DLG2: variants seen among roughly 807,000 people sequenced by gnomAD.
DLG2 encodes the protein disks large homolog 2.
In DLG2, 45 loss-of-function variants were observed where a neutral mutation model predicts 132.5. That is an observed-to-expected ratio of 0.34 (90% CI 0.27 to 0.44). The LOEUF (loss-of-function observed/expected upper bound fraction) is 0.44, where lower values mean the gene tolerates loss of function less well. Ranked by LOEUF, DLG2 falls within the 20% of genes least tolerant of loss-of-function variation. The probability of loss-of-function intolerance (pLI) is 1.00; values close to 1 mark genes in which losing one functional copy is unlikely to be tolerated. For synonymous variants in DLG2, 424 were observed against 419.6 expected, an observed-to-expected ratio of 1.01 and a Z score of -0.13; for missense variants, 1,045 against 1,196.9, an observed-to-expected ratio of 0.87 and a Z score of 1.87.
At chr11:84,460,237 A>G (rs2099076758) in intron 7 of DLG2, among the ~76,000 whole-genome samples, 1 of 150,668 alleles carries the variant, frequency 6.6e-6, no homozygotes, top group Non-Finnish European at 1.5e-5. Context: ...TCATCAATTG[A>G]CTATTGCGTT....
chr11:84,624,811 T>C (rs942616076), intron 6 of DLG2, among the ~76,000 whole-genome samples: 4 of 147,498 alleles, frequency 2.7e-5, no homozygotes, highest in Non-Finnish European at 4.5e-5. Context: ...TATCAAATAA[T>C]ACAGTTGACT....
chr11:84,730,295 C>G (rs1416318893), intron 6 of DLG2, among the ~76,000 whole-genome samples: 2 of 151,882 alleles, frequency 1.3e-5, no homozygotes, highest in African/African-American at 2.4e-5. Flanking sequence ...GTAATAATAC[C>G]TCTGTCACAG....
chr11:85,467,738 C>T (rs187910269), intron 3 of DLG2, among the ~76,000 whole-genome samples: 1 of 152,196 alleles, frequency 6.6e-6, no homozygotes, highest in East Asian at 1.9e-4. Flanking sequence ...ATTTTTGCAT[C>T]GATGTTCATC....
chr11:84,788,738 G>A (rs563867026), intron 6 of DLG2, among the ~76,000 whole-genome samples: 43 of 152,140 alleles, frequency 2.8e-4, no homozygotes, highest in Admixed American at 9.2e-4. Flanking sequence ...TCATTATTTC[G>A]TCCAAACATT....
intron 6 of DLG2, among the ~76,000 whole-genome samples, chr11:84,631,397 G>GA (rs991390699): frequency 3.9e-5 from 6 of 152,038 alleles, no homozygotes; most frequent in Non-Finnish European, 8.8e-5. Context: ...ATTATTTTGG[G>GA]AAAAATGAAC....
chr11:84,923,554 A>G (rs949128786), intron 6 of DLG2: 12 of 1,005,992 alleles, frequency 1.2e-5, no homozygotes, highest in Non-Finnish European at 1.2e-5. Flanking sequence ...ATCCTATTAA[A>G]TACTTTACAA....
intron 2 of DLG2, among the ~76,000 whole-genome samples, chr11:85,601,071 T>C (rs1407509495): frequency 6.6e-6 from 1 of 152,164 alleles, no homozygotes; most frequent in Non-Finnish European, 1.5e-5. Flanking sequence ...ATACAATCAA[T>C]GTAAATAACT....
chr11:85,203,967 A>G (rs1175569357), intron 4 of DLG2, among the ~76,000 whole-genome samples: 4 of 152,144 alleles, frequency 2.6e-5, no homozygotes, highest in Non-Finnish European at 4.4e-5. Flanking sequence ...CTGGAAAAAC[A>G]TTTGGTAAAA....
chr11:85,370,068 A>G (rs542745639), intron 3 of DLG2, among the ~76,000 whole-genome samples: 6 of 152,190 alleles, frequency 3.9e-5, no homozygotes, highest in Non-Finnish European at 7.4e-5. Context: ...TTGGGTTTTG[A>G]AAAGTATTTG....
At chr11:83,737,617 G>T (rs1396079516) in intron 18 of DLG2, among the ~76,000 whole-genome samples, 3 of 152,184 alleles carry the variant, frequency 2.0e-5, no homozygotes, top group Non-Finnish European at 4.4e-5. Flanking sequence ...CTATATGCTT[G>T]GTCCATAGTT....
intron 6 of DLG2, among the ~76,000 whole-genome samples, chr11:84,932,946 C>A (rs1358658233): frequency 6.6e-6 from 1 of 152,158 alleles, no homozygotes; most frequent in Non-Finnish European, 1.5e-5. Flanking sequence ...GTAATATCTT[C>A]CACAATGCTT....
In DLG2 at chr11:83,678,032, C is replaced by G. The variant is rs1182698494; in HGVS notation, c.1826-44707G>C. Among the ~76,000 whole-genome samples the G allele has an allele frequency of 2.0e-5, 3 of 152,272 alleles. No individual in the cohort carries two copies. In the East Asian group the frequency reaches 5.8e-4, roughly 29 times the overall value. ...TAAAACTAGAGATAAGGAAAATACA[C>G]CTGAAATTAGCTAGGGTCTCTCCAA... On this transcript the variant is annotated intron_variant, in intron 18 of 27. Transcript: ENST00000376104.
chr11:85,121,184 G>A (rs72961508), intron 5 of DLG2, among the ~76,000 whole-genome samples: 5,625 of 151,990 alleles, frequency 0.037, 164 homozygotes, highest in Non-Finnish European at 0.057. Flanking sequence ...TCCTAGACAA[G>A]TTTGTATCCT....
At chr11:84,594,273 C>A (rs967245546) in intron 6 of DLG2, among the ~76,000 whole-genome samples, 2 of 152,178 alleles carry the variant, frequency 1.3e-5, no homozygotes, top group African/African-American at 4.8e-5. Context: ...TCTCAAGCCT[C>A]TCTTCTCCAT....
chr11:85,529,594 G>A (rs928351160), intron 3 of DLG2, among the ~76,000 whole-genome samples: 1 of 152,032 alleles, frequency 6.6e-6, no homozygotes, highest in South Asian at 2.1e-4. Flanking sequence ...TGACTTTGGT[G>A]AACAAGTCTA....
intron 18 of DLG2, among the ~76,000 whole-genome samples, chr11:83,735,533 G>C (rs1593324269): frequency 6.6e-6 from 1 of 152,144 alleles, no homozygotes; most frequent in South Asian, 2.1e-4. Flanking sequence ...ATTTGTTGCA[G>C]ATAATTTTGT....
At chr11:85,205,788 G>A (rs991441032) in intron 4 of DLG2, among the ~76,000 whole-genome samples, 1 of 152,150 alleles carries the variant, frequency 6.6e-6, no homozygotes, top group South Asian at 2.1e-4. Flanking sequence ...AGATCAGAGT[G>A]TGATGTGGTT....
At chr11:84,211,669 T>C (rs1436791078) in intron 8 of DLG2, among the ~76,000 whole-genome samples, 1 of 152,216 alleles carries the variant, frequency 6.6e-6, no homozygotes, top group African/African-American at 2.4e-5. Flanking sequence ...GAAGACAAAA[T>C]TTTAATTCAA....
intron 18 of DLG2, among the ~76,000 whole-genome samples, chr11:83,756,859 T>A (rs947432071): frequency 6.6e-6 from 1 of 152,214 alleles, no homozygotes; most frequent in African/African-American, 2.4e-5. Flanking sequence ...AAACCCATTA[T>A]AGTTAGCCTT....
Sources: gnomAD v4.1 joint callset for allele counts (sites outside exome capture counted in the v4.1 genomes callset) on GRCh38, gnomAD v4.1.1 for gene constraint, MANE v1.5 for transcripts, NCBI Gene and HGNC (gene_info 2026-07-23, HGNC 2026-07-21) for gene names.